Variants in KCNB2 observed in about 807,000 individuals in gnomAD.
The protein encoded by KCNB2 is delayed rectifier potassium channel protein.
A neutral mutation model predicts 61.5 loss-of-function variants in KCNB2; 15 were observed. The observed-to-expected ratio is 0.24, with a 90% CI of 0.16 to 0.38. The LOEUF (loss-of-function observed/expected upper bound fraction) is 0.38, where lower values mean the gene tolerates loss of function less well. Among genes scored for constraint, KCNB2 ranks in the 10% least tolerant of loss-of-function variants. The pLI is 1.00. For synonymous variants in KCNB2, 457 were observed against 446.0 expected, an observed-to-expected ratio of 1.02 and a Z score of -0.31; for missense variants, 828 against 1,125.2, an observed-to-expected ratio of 0.74 and a Z score of 3.78.
At chr8:72,647,466 T>G (rs1806147005) in intron 2 of KCNB2, among the ~76,000 whole-genome samples, 1 of 152,208 alleles carries the variant, frequency 6.6e-6, no homozygotes, top group Non-Finnish European at 1.5e-5. Context: ...ATACATTAAT[T>G]GAAATTCTTT....
chr8:72,707,855 T>A (rs1235547972), intron 2 of KCNB2, among the ~76,000 whole-genome samples: 1 of 152,114 alleles, frequency 6.6e-6, no homozygotes, highest in Non-Finnish European at 1.5e-5. Context: ...ACAGAACACA[T>A]TCGCATTAGG....
intron 1 of KCNB2, among the ~76,000 whole-genome samples, chr8:72,566,663 T>G (rs899955299): frequency 2.7e-5 from 4 of 149,410 alleles, no homozygotes; most frequent in Non-Finnish European, 5.9e-5. Flanking sequence ...GCTGAGATTG[T>G]GCAGTGAGCT....
intron 2 of KCNB2, among the ~76,000 whole-genome samples, chr8:72,629,295 C>T (rs1789422238): frequency 6.6e-6 from 1 of 152,202 alleles, no homozygotes; most frequent in Non-Finnish European, 1.5e-5. Context: ...GCACTGATGT[C>T]ACCTGAAGTT....
intron 2 of KCNB2, among the ~76,000 whole-genome samples, chr8:72,645,010 CAG>C (rs1286615836): frequency 1.3e-5 from 2 of 152,106 alleles, no homozygotes; most frequent in African/African-American, 4.8e-5. Context: ...CAAACAGTGC[CAG>C]AGTTTCCTAT....
chr8:72,741,280 C>T (rs535679110), intron 2 of KCNB2, among the ~76,000 whole-genome samples: 34 of 152,068 alleles, frequency 2.2e-4, no homozygotes, highest in Non-Finnish European at 3.7e-4. Context: ...TACTTAGGAG[C>T]CTTACCTTTG....
intron 2 of KCNB2, among the ~76,000 whole-genome samples, chr8:72,701,285 C>T (rs1050685305): frequency 6.6e-6 from 1 of 152,044 alleles, no homozygotes; most frequent in African/African-American, 2.4e-5. Context: ...ACATTTCAAA[C>T]CAAAACCAAA....
intron 2 of KCNB2, among the ~76,000 whole-genome samples, chr8:72,848,867 C>T (rs1034733409): frequency 7.2e-5 from 11 of 151,860 alleles, no homozygotes; most frequent in Non-Finnish European, 1.6e-4. Flanking sequence ...CACCTTCTAC[C>T]GTCAAGGAGC....
At chr8:72,559,307 G>A (rs1342878354) in intron 1 of KCNB2, among the ~76,000 whole-genome samples, 1 of 151,894 alleles carries the variant, frequency 6.6e-6, no homozygotes, top group Non-Finnish European at 1.5e-5. Flanking sequence ...ACTACACCCG[G>A]CTAATTTTTG....
chr8:72,738,967 A>G (rs559005183), intron 2 of KCNB2, among the ~76,000 whole-genome samples: 1 of 152,308 alleles, frequency 6.6e-6, no homozygotes, highest in African/African-American at 2.4e-5. Flanking sequence ...AATTATTTAC[A>G]TATTCCAACT....
At chr8:72,717,965 A>G (rs1185017705) in intron 2 of KCNB2, among the ~76,000 whole-genome samples, 1 of 152,032 alleles carries the variant, frequency 6.6e-6, no homozygotes, top group African/African-American at 2.4e-5. Context: ...ACAAATTTAC[A>G]AGAAAAAAAC....
At chr8:72,898,758 T>C (rs1401762330) in intron 2 of KCNB2, among the ~76,000 whole-genome samples, 2 of 152,136 alleles carry the variant, frequency 1.3e-5, no homozygotes, top group Non-Finnish European at 2.9e-5. Context: ...ATGGATTCCA[T>C]CATCCAGGTA....
At chr8:72,641,413 C>G (rs1384263780) in intron 2 of KCNB2, among the ~76,000 whole-genome samples, 1 of 152,002 alleles carries the variant, frequency 6.6e-6, no homozygotes, top group Non-Finnish European at 1.5e-5. Flanking sequence ...CTGTGTGTTT[C>G]TATGTTAGGC....
chr8:72,937,869 T>C lies in KCNB2; in HGVS notation c.2514T>C (p.Pro838=), dbSNP rs1364535798. ...GCCCAAATTGCTTTGCAGATAAGCC[T>C]AGTGATGGGAGAGACCCTTTAAGAG... ...DSSPNCFADK[P]SDGRDPLREE... The change falls in exon 3 of 3, where the codon CCT becomes CCC. Residue 838 remains proline (P), a synonymous_variant. Transcript: ENST00000523207. The C allele has an allele frequency of 3.1e-6, 5 of 1,613,952 alleles. No individual in the cohort carries two copies. Among genetic ancestry groups the C allele is most frequent in the Middle Eastern group, 3.3e-4 (2 of 6,082 alleles).
chr8:72,654,333 T>A (rs1365237518), intron 2 of KCNB2, among the ~76,000 whole-genome samples: 1 of 152,208 alleles, frequency 6.6e-6, no homozygotes, highest in Non-Finnish European at 1.5e-5. Flanking sequence ...TCTCAAATTA[T>A]AAGCATTATC....
chr8:72,895,014 C>A (rs975558096), intron 2 of KCNB2, among the ~76,000 whole-genome samples: 2 of 152,116 alleles, frequency 1.3e-5, no homozygotes, highest in Non-Finnish European at 2.9e-5. Flanking sequence ...GACCCTCCCC[C>A]TAAGGCCCTT....
At chr8:72,770,788 A>C (rs2063298308) in intron 2 of KCNB2, among the ~76,000 whole-genome samples, 1 of 152,216 alleles carries the variant, frequency 6.6e-6, no homozygotes, top group Admixed American at 6.5e-5. Flanking sequence ...TTGTGTTTTC[A>C]CTTCAGAAAT....
At position 72,568,348 on chromosome 8, in the gene KCNB2, G is replaced by A. The variant is rs1367921613; in HGVS notation, c.579+35G>A. 4.5e-6 allele frequency: 7 copies of A among 1,541,842 alleles called. No homozygotes were observed. The African/African-American group carries it at 9.7e-5, about 21-fold the overall frequency. On this transcript the variant is annotated intron_variant, in intron 2 of 2. Coordinates refer to ENST00000523207, the MANE Select transcript of KCNB2 (RefSeq NM_004770.3). ...CCATAGTATTGCTTGCCTGTGTGTGGTCAGAAAAGATGCTACCTACGTTCT... is the reference window on the plus strand; with the variant it reads ...CCATAGTATTGCTTGCCTGTGTGTGATCAGAAAAGATGCTACCTACGTTCT...
chr8:72,911,336 T>A (rs1458549056), intron 2 of KCNB2, among the ~76,000 whole-genome samples: 1 of 152,250 alleles, frequency 6.6e-6, no homozygotes, highest in Non-Finnish European at 1.5e-5. Flanking sequence ...TTACATGATC[T>A]GTGTTAGGGC....
chr8:72,676,239 T>C (rs2439332), intron 2 of KCNB2, among the ~76,000 whole-genome samples: 25,863 of 151,990 alleles, frequency 0.17, 2,872 homozygotes, highest in African/African-American at 0.31. Flanking sequence ...ATGAAGAACT[T>C]GAAAACAGTT....
Sources: allele counts gnomAD v4.1 joint callset (sites outside exome capture counted in the v4.1 genomes callset), GRCh38; gene constraint gnomAD v4.1.1; transcripts MANE v1.5; gene names NCBI Gene and HGNC (gene_info 2026-07-23, HGNC 2026-07-21).